Variants in TMTC1 observed in about 807,000 individuals in gnomAD.
TMTC1 encodes transmembrane O-mannosyltransferase targeting cadherins 1, also known as protein O-mannosyl-transferase TMTC1.
Under a neutral mutation model 104.8 loss-of-function variants are expected in TMTC1, and 73 were observed. That is an observed-to-expected ratio of 0.70 (90% CI 0.58 to 0.85). The LOEUF is 0.85. TMTC1 is among the 40% of genes least tolerant of loss of function. TMTC1 has a pLI of 0.00. For missense variants in TMTC1, 1,035 were observed against 1,096.1 expected (o/e 0.94, Z 0.79); for synonymous variants, 434 against 428.7 (o/e 1.01, Z -0.15).
chr12:29,582,092 T>C (rs1945996954), intron 8 of TMTC1, among the ~76,000 whole-genome samples: 1 of 152,204 alleles, frequency 6.6e-6, no homozygotes, highest in African/African-American at 2.4e-5. Flanking sequence ...TAATAATACA[T>C]AAATAAAGTA....
intron 6 of TMTC1, among the ~76,000 whole-genome samples, chr12:29,630,376 A>G (rs544108496): frequency 2.6e-5 from 4 of 152,214 alleles, no homozygotes; most frequent in East Asian, 3.9e-4. Context: ...CCCCTAATAA[A>G]ACCATCAGAT....
chr12:29,643,455 T>TGTGATATATATATATATCACATATAG (rs71045822), intron 5 of TMTC1, among the ~76,000 whole-genome samples: 1 of 129,868 alleles, frequency 7.7e-6, no homozygotes, highest in Non-Finnish European at 1.6e-5. Context: ...ATCACATATA[T>TGTGATATATATATATATCACATATAG]ATGATGGAAT....
rs2136118226 is a variant in TMTC1 at position 29,504,195 on chromosome 12, A to G, written c.*2651T>C. 1 of 152,002 alleles carries G rather than the reference A, an allele frequency of 6.6e-6. No homozygotes were observed. Among genetic ancestry groups the G allele is most frequent in the East Asian group, 1.9e-4 (1 of 5,168 alleles). 9.4% of individuals were successfully genotyped at this position (152,002 alleles called of 1,614,324 possible). On this transcript the variant is annotated 3_prime_UTR_variant, in exon 18 of 18. Transcript: ENST00000539277. ...GCAAAAATTGCACATCCATGAGGCC[A>G]GCTGAGCTCCTCCATTTCAAGAAGG...
At chr12:29,677,298 G>C (rs900842207) in intron 5 of TMTC1, among the ~76,000 whole-genome samples, 3 of 151,988 alleles carry the variant, frequency 2.0e-5, no homozygotes, top group African/African-American at 7.3e-5. Context: ...TTGTTTATTT[G>C]TTTTTGTTCT....
At chr12:29,646,959 T>A (rs1462474050) in intron 5 of TMTC1, among the ~76,000 whole-genome samples, 1 of 152,198 alleles carries the variant, frequency 6.6e-6, no homozygotes, top group Non-Finnish European at 1.5e-5. Flanking sequence ...TGATTGATTC[T>A]CACATTCACT....
At chr12:29,625,796 G>A (rs910878923) in intron 6 of TMTC1, among the ~76,000 whole-genome samples, 1 of 152,096 alleles carries the variant, frequency 6.6e-6, no homozygotes, top group Non-Finnish European at 1.5e-5. Context: ...ACAGCCTGTG[G>A]GGAATCACCA....
chr12:29,749,577 C>G (rs1943038499), intron 5 of TMTC1, among the ~76,000 whole-genome samples: 1 of 152,070 alleles, frequency 6.6e-6, no homozygotes, highest in Admixed American at 6.5e-5. Flanking sequence ...ACGATTTCCC[C>G]AATTGTTTCA....
At chr12:29,543,449 A>G (rs1652009863) in intron 10 of TMTC1, among the ~76,000 whole-genome samples, 2 of 152,226 alleles carry the variant, frequency 1.3e-5, no homozygotes, top group South Asian at 4.1e-4. Flanking sequence ...AGGAAATGCC[A>G]GTAACAGAAA....
intron 9 of TMTC1, among the ~76,000 whole-genome samples, chr12:29,560,014 T>C (rs1274331924): frequency 1.3e-5 from 2 of 152,234 alleles, no homozygotes; most frequent in Non-Finnish European, 2.9e-5. Context: ...TGTGTTTACT[T>C]TTTAAATAAA....
chr12:29,762,301 G>A (rs1943369803), intron 2 of TMTC1, among the ~76,000 whole-genome samples: 1 of 152,186 alleles, frequency 6.6e-6, no homozygotes, highest in African/African-American at 2.4e-5. Context: ...CTCCCTCAGG[G>A]TGGTTGTAAT....
chr12:29,643,401 A>G (rs1938956334), intron 5 of TMTC1, among the ~76,000 whole-genome samples: 1 of 77,580 alleles, frequency 1.3e-5, no homozygotes, highest in Non-Finnish European at 2.8e-5. Flanking sequence ...CAACCCAAAT[A>G]CCCATCAATC....
chr12:29,688,068 T>A lies in TMTC1; in HGVS notation c.939-54732A>T, dbSNP rs530873221. 3.3e-5 allele frequency among the ~76,000 whole-genome samples: 5 copies of A among 152,296 alleles called. No homozygotes were observed. In the South Asian group the frequency reaches 1.0e-3, roughly 32 times the overall value. ...TGAAACATTTAGGAGGAAAGGGGTA[T>A]AATGTCTAAAACATTCAAAAGAGCC... On this transcript the variant is annotated intron_variant, in intron 5 of 17. Coordinates refer to ENST00000539277, the MANE Select transcript of TMTC1 (RefSeq NM_001193451.2).
At chr12:29,618,537 A>G (rs968394593) in intron 6 of TMTC1, among the ~76,000 whole-genome samples, 1 of 151,850 alleles carries the variant, frequency 6.6e-6, no homozygotes, top group Non-Finnish European at 1.5e-5. Context: ...ATGTACATGT[A>G]AAAATAAGGA....
intron 5 of TMTC1, among the ~76,000 whole-genome samples, chr12:29,718,064 A>G (rs566868427): frequency 1.3e-5 from 2 of 152,168 alleles, no homozygotes; most frequent in South Asian, 2.1e-4. Context: ...ATTTATGCTA[A>G]TGGCGAAGTA....
Position 29,685,262 on chromosome 12 carries a change from C to G in TMTC1, c.939-51926G>C, listed in dbSNP as rs74236395. On this transcript the variant is annotated intron_variant, in intron 5 of 17. Transcript: ENST00000539277. ...CAGGCACAGTACAAAACAGTCTACACGTAAGAATTCAAACCTATCCTATTT... is the reference window on the plus strand; with the variant it reads ...CAGGCACAGTACAAAACAGTCTACAGGTAAGAATTCAAACCTATCCTATTT... Among the ~76,000 whole-genome samples, 5 of 151,666 alleles carry G rather than the reference C, an allele frequency of 3.3e-5. No homozygotes were observed. In the East Asian group the frequency reaches 9.7e-4, roughly 29 times the overall value.
intron 7 of TMTC1, among the ~76,000 whole-genome samples, chr12:29,601,273 G>A (rs2136391919): frequency 6.6e-6 from 1 of 152,322 alleles, no homozygotes; most frequent in East Asian, 1.9e-4. Flanking sequence ...ACCCCACAAA[G>A]GGTTGGCGAC....
chr12:29,666,150 A>T, intron 5 of TMTC1: 1 of 430,388 alleles, frequency 2.3e-6, no homozygotes, highest in Middle Eastern at 3.5e-4. Context: ...ATATAGCAAG[A>T]TGATCAATAA....
At chr12:29,643,653 T>TATTATA (rs1185575074) in intron 5 of TMTC1, among the ~76,000 whole-genome samples, 9 of 32,962 alleles carry the variant, frequency 2.7e-4, no homozygotes, top group African/African-American at 1.3e-3. Flanking sequence ...ATATGTTATA[T>TATTATA]TATATAATAT....
chr12:29,554,812 T>A (rs1945195765), intron 10 of TMTC1, among the ~76,000 whole-genome samples: 1 of 152,096 alleles, frequency 6.6e-6, no homozygotes, highest in Non-Finnish European at 1.5e-5. Context: ...ACCACTGAAC[T>A]CTAGCCTGGG....
Sources: gnomAD v4.1 joint callset for allele counts (sites outside exome capture counted in the v4.1 genomes callset) on GRCh38, gnomAD v4.1.1 for gene constraint, MANE v1.5 for transcripts, NCBI Gene and HGNC (gene_info 2026-07-23, HGNC 2026-07-21) for gene names.